IL9R: variants seen among roughly 807,000 people sequenced by gnomAD.
IL9R encodes interleukin 9 receptor.
A neutral mutation model predicts 56.3 loss-of-function variants in IL9R; 54 were observed. The observed-to-expected ratio is 0.96, with a 90% confidence interval of 0.77 to 1.20. The LOEUF (loss-of-function observed/expected upper bound fraction) is 1.20. Ranked by LOEUF, IL9R falls within the 50% of genes most tolerant of loss-of-function variation. The pLI is 0.00. For synonymous variants in IL9R, 212 were observed against 250.2 expected, an observed-to-expected ratio of 0.85 and a Z score of 1.44; for missense variants, 545 against 629.8, an observed-to-expected ratio of 0.87 and a Z score of 1.44.
intron 1 of IL9R, among the ~76,000 whole-genome samples, chrX:156,002,383 C>A (rs1426478595): frequency 1.3e-5 from 2 of 152,146 alleles, no homozygotes; most frequent in African/African-American, 2.4e-5. Flanking sequence ...GTCTGTGTGA[C>A]CCTGGGCAAG....
chrX:156,002,877 C>A (rs2067629384), intron 1 of IL9R, 29 bp from the exon 2 acceptor site: 1 of 1,613,238 alleles, frequency 6.2e-7, no homozygotes, highest in African/African-American at 1.3e-5. Context: ...GGATGATTTG[C>A]ACAGGGCCCT....
intron 5 of IL9R, 99 bp from the exon 6 acceptor site, chrX:156,005,177 CAA>C (rs1273708965): frequency 5.6e-6 from 5 of 890,112 alleles, no homozygotes; most frequent in African/African-American, 1.6e-5. Flanking sequence ...CAAGTGTGTT[CAA>C]GAGTGTGTTA....
chrX:155,998,912 A>G (rs2067319622), intron 1 of IL9R, among the ~76,000 whole-genome samples: 1 of 152,060 alleles, frequency 6.6e-6, no homozygotes, highest in Non-Finnish European at 1.5e-5. Flanking sequence ...CTTCACCAAG[A>G]CAGCAGGAAG....
Position 156,003,645 on chromosome X carries a change from A to G in IL9R, c.255-32A>G, listed in dbSNP as rs186805533. On this transcript the variant is annotated intron_variant, in intron 3 of 8. Coordinates refer to ENST00000244174, the MANE Select transcript of IL9R (RefSeq NM_002186.3). ...AGCAGCTATGCCAGGACAGTGTAGC[A>G]GCCCCGTGGTGCTGACAAATGCCCT... The G allele has an allele frequency of 1.2e-4, 188 of 1,612,274 alleles. No homozygotes were observed. In the African/African-American group the frequency reaches 2.1e-3, roughly 18 times the overall value.
intron 7 of IL9R, among the ~76,000 whole-genome samples, chrX:156,006,565 C>T (rs778613326): frequency 6.6e-6 from 1 of 151,000 alleles, no homozygotes; most frequent in African/African-American, 2.5e-5. Context: ...TTCACATGTT[C>T]TACGAAAGGA....
At chrX:155,999,072 C>G in intron 1 of IL9R, among the ~76,000 whole-genome samples, 1 of 152,002 alleles carries the variant, frequency 6.6e-6, no homozygotes, top group East Asian at 1.9e-4. Context: ...TGCTCAGGCT[C>G]AGGGGTTCCG....
intron 1 of IL9R, among the ~76,000 whole-genome samples, chrX:155,998,794 C>T (rs1409109244): frequency 6.6e-6 from 1 of 152,024 alleles, no homozygotes; most frequent in South Asian, 2.1e-4. Flanking sequence ...AGGGTCTTGC[C>T]TCCAGGAGCC....
rs750814045 is a variant in IL9R at position 156,003,499 on chromosome X, G to T, written c.193G>T (p.Asp65Tyr). 6.2e-7 allele frequency: 1 copy of T among 1,612,434 alleles called. No homozygotes were observed. Among genetic ancestry groups the T allele is most frequent in the Admixed American group, 1.7e-5 (1 of 60,022 alleles). ...CCTCACCAACAACATTCTCAGGATC[G>T]ATTGCCACTGGTCTGCCCCAGAGCT... Reference protein sequence around the residue: ...TCLTNNILRIDCHWSAPELGQ... With the variant: ...TCLTNNILRIYCHWSAPELGQ... The change falls in exon 3 of 9, where the codon GAT becomes TAT. Residue 65 changes from aspartate (D) to tyrosine (Y), a missense_variant. Transcript: ENST00000244174.
rs182009319 is a variant in IL9R, at chrX:156,007,827, G to A, written c.972+220G>A. 300 of 596,162 alleles carry A rather than the reference G, an allele frequency of 5.0e-4. 1 individual carries two copies. In the African/African-American group the frequency reaches 6.7e-3, roughly 13 times the overall value. The allele number at this position is 596,162 out of a possible 1,614,324, so 36.9% of individuals were successfully genotyped here. ...ATTGCTGATTTCTTTTTGTTCTCAGGTCTCTAGTTCCATTGTTGATTGAAA... is the reference window on the plus strand; with the variant it reads ...ATTGCTGATTTCTTTTTGTTCTCAGATCTCTAGTTCCATTGTTGATTGAAA... On this transcript the variant is annotated intron_variant, in intron 8 of 8. Coordinates refer to ENST00000244174, the MANE Select transcript of IL9R (RefSeq NM_002186.3).
intron 1 of IL9R, chrX:156,001,237 A>C: frequency 1.5e-6 from 1 of 682,944 alleles, no homozygotes; most frequent in South Asian, 1.7e-5. Context: ...TTCTACATAG[A>C]TGTGGGTGTT....
intron 5 of IL9R, among the ~76,000 whole-genome samples, chrX:156,005,012 C>G (rs1044342313): frequency 6.6e-6 from 1 of 151,918 alleles, no homozygotes; most frequent in African/African-American, 2.4e-5. Context: ...AGTGTGCATG[C>G]AAGTGTGATG....
Position 156,000,145 on chromosome X carries a change from A to AATATATAT in IL9R, c.28+2366_28+2373dup, listed in dbSNP as rs1556394101. ...AGCGAGACTCCGTCTAAAAAAAAAA[A>AATATATAT]ATATATATATATATACACACATATA... is the stretch of plus-strand genomic sequence containing the variant. On this transcript the variant is annotated intron_variant, in intron 1 of 8. Transcript: ENST00000244174. 2.3e-3 allele frequency among the ~76,000 whole-genome samples: 327 copies of AATATATAT among 144,258 alleles called. 2 individuals carry two copies. The highest frequency in any genetic ancestry group is 8.1e-3 in the East Asian group (38 of 4,696). 94.6% of individuals were successfully genotyped at this position (144,258 alleles called of 152,430 possible).
intron 8 of IL9R, among the ~76,000 whole-genome samples, chrX:156,008,772 C>A (rs1003310827): frequency 6.6e-6 from 1 of 152,174 alleles, no homozygotes; most frequent in African/African-American, 2.4e-5. Context: ...CTTTTGGAGG[C>A]GGGGGCCTCC....
At chrX:156,008,871 G>C (rs1377665843) in intron 8 of IL9R, among the ~76,000 whole-genome samples, 18 of 143,118 alleles carry the variant, frequency 1.3e-4, no homozygotes, top group East Asian at 2.1e-4. Context: ...GTGTGTGTCT[G>C]TGTGTGTGTG....
chrX:156,003,607 T>G, intron 3 of IL9R, 47 bp downstream of exon 3: 1 of 1,610,190 alleles, frequency 6.2e-7, no homozygotes, highest in African/African-American at 1.3e-5. Flanking sequence ...GAGGGTGAGT[T>G]CCCCAGGATT....
chrX:156,002,150 T>C (rs1229597762), intron 1 of IL9R, among the ~76,000 whole-genome samples: 1 of 151,158 alleles, frequency 6.6e-6, no homozygotes, highest in Admixed American at 6.6e-5. Context: ...AAGACTAGCC[T>C]GGCCAACATG....
At chrX:155,998,943 G>T (rs144187428) in intron 1 of IL9R, among the ~76,000 whole-genome samples, 2 of 151,940 alleles carry the variant, frequency 1.3e-5, no homozygotes, top group Admixed American at 6.6e-5. Flanking sequence ...TCATTTTCCC[G>T]TCTCACCTCC....
intron 8 of IL9R, among the ~76,000 whole-genome samples, chrX:156,009,061 TTGTGTGTGTGTCTGTGTGTGTTTGTG>T: frequency 8.2e-6 from 1 of 121,926 alleles, no homozygotes; most frequent in East Asian, 2.2e-4. Context: ...CTGTGTGTGT[TTGTGTGTGTGTCTGTGTGTGTTTGTG>T]TGTGTGTGTC....
At position 156,007,508 on chromosome X, in the gene IL9R, C is replaced by G. The variant is rs752424225; in HGVS notation, c.888-15C>G. On this transcript the variant is annotated splice_polypyrimidine_tract_variant and intron_variant, in intron 7 of 8. Coordinates refer to ENST00000244174, the MANE Select transcript of IL9R (RefSeq NM_002186.3). ...GGGTCGCCATAGGCCTCTGACTGGC[C>G]TCTCTTGGCCTCAGGGTGAAGAGAA... The G allele has an allele frequency of 1.4e-5, 15 of 1,075,066 alleles. No individual in the cohort carries two copies. The highest frequency in any genetic ancestry group is 2.1e-5 in the Non-Finnish European group (15 of 719,232). The allele number at this position is 1,075,066 out of a possible 1,614,324, so 66.6% of individuals were successfully genotyped here. A position where few individuals can be genotyped will look rare whatever the true frequency, so the allele number is the denominator to read the frequency against.
Sources: allele counts gnomAD v4.1 joint callset (sites outside exome capture counted in the v4.1 genomes callset), GRCh38; gene constraint gnomAD v4.1.1; transcripts MANE v1.5; gene names NCBI Gene and HGNC (gene_info 2026-07-23, HGNC 2026-07-21).